Variants in DPP9 observed in about 807,000 individuals in gnomAD.
DPP9 encodes dipeptidyl peptidase 9, also known as dipeptidyl peptidase IV-related protein-2.
A neutral mutation model predicts 110.7 loss-of-function variants in DPP9; 50 were observed. The ratio of observed to expected loss-of-function variants is 0.45; its 90% CI spans 0.36 to 0.57. DPP9 has a LOEUF of 0.57. Among genes scored for constraint, DPP9 ranks in the 20% least tolerant of loss-of-function variants. The pLI, the probability that DPP9 is intolerant of heterozygous loss-of-function variation, is 0.00. For missense variants in DPP9, 1,022 were observed against 1,217.9 expected, an observed-to-expected ratio of 0.84 and a Z score of 2.39; for synonymous variants, 561 against 514.4, an observed-to-expected ratio of 1.09 and a Z score of -1.23.
At chr19:4,679,789 GATCTGTCGGCTC>G (rs1261014342) in intron 21 of DPP9, 34 bp downstream of exon 21, 8 of 1,459,644 alleles carry the variant, frequency 5.5e-6, no homozygotes, top group Non-Finnish European at 7.6e-6. Context: ...CACTCCCAGG[GATCTGTCGGCTC>G]GCGGAGGGGC....
intron 2 of DPP9, among the ~76,000 whole-genome samples, chr19:4,720,514 T>C (rs1378391049): frequency 1.3e-5 from 2 of 152,108 alleles, no homozygotes; most frequent in Non-Finnish European, 2.9e-5. Flanking sequence ...CTGAAGATGC[T>C]ACCTGGCGAC....
At chr19:4,697,524 C>T (rs777637096) in intron 11 of DPP9, 27 bp downstream of exon 11, 2 of 1,599,540 alleles carry the variant, frequency 1.3e-6, no homozygotes, top group Admixed American at 3.4e-5. Flanking sequence ...CAGGTGAATT[C>T]CTTGGGTTCC....
chr19:4,697,641 G>A lies in DPP9; in HGVS notation c.1085C>T (p.Thr362Ile). ...GGGCTGCACCAGCTCCTTCTCCTGG[G>A]TCGAGACGATCTGAAGGGAAACAAA... ...QTDSQGKIVSTQEKELVQPFS... is the reference protein window; with the variant it reads ...QTDSQGKIVSIQEKELVQPFS... The change falls in exon 11 of 22, where the codon ACC becomes ATC. Residue 362 changes from threonine to isoleucine, a missense_variant. Coordinates refer to ENST00000262960, the MANE Select transcript of DPP9 (RefSeq NM_139159.5). 1 of 1,613,844 alleles carries A rather than the reference G, an allele frequency of 6.2e-7. No individual in the cohort carries two copies. Among genetic ancestry groups the A allele is most frequent in the Non-Finnish European group, 8.5e-7 (1 of 1,179,836 alleles).
At chr19:4,681,967 G>A (rs1436131124) in intron 20 of DPP9, among the ~76,000 whole-genome samples, 3 of 149,922 alleles carry the variant, frequency 2.0e-5, no homozygotes, top group African/African-American at 7.4e-5. Context: ...TCCTGCCTCA[G>A]CCTCCCATAT....
At chr19:4,697,757 G>T in intron 10 of DPP9, 106 bp from the exon 11 acceptor site, 1 of 868,768 alleles carries the variant, frequency 1.2e-6, no homozygotes. Context: ...AAATTCATAT[G>T]CTGGAGTCTC....
Position 4,702,040 on chromosome 19 carries a change from C to G in DPP9, c.999G>C (p.Arg333=), listed in dbSNP as rs374355459. Residue 333 remains arginine, a synonymous_variant, in exon 9 of 22, where the codon CGG becomes CGC. Transcript: ENST00000262960. Reference sequence around the variant, plus strand: ...CCGGGCACTCACCTGTCCTGGGGTACCGATACGAGTCCGTCTTCCTTTCTT... The same window carrying G: ...CCGGGCACTCACCTGTCCTGGGGTAGCGATACGAGTCCGTCTTCCTTTCTT... ...ALEERKTDSY[R]YPRTGSKNPK... is the part of the protein sequence containing the mutation. 1 of 1,613,764 alleles carries G rather than the reference C, an allele frequency of 6.2e-7. No individual in the cohort carries two copies. Among genetic ancestry groups the G allele is most frequent in the Non-Finnish European group, 8.5e-7 (1 of 1,179,736 alleles).
chr19:4,690,662 T>C (rs1396936839), intron 14 of DPP9, among the ~76,000 whole-genome samples: 1 of 152,128 alleles, frequency 6.6e-6, no homozygotes, highest in Non-Finnish European at 1.5e-5. Context: ...GGGGAGGTGA[T>C]GAAATGATTG....
At chr19:4,720,147 G>A (rs539970654) in intron 2 of DPP9, among the ~76,000 whole-genome samples, 113 of 152,328 alleles carry the variant, frequency 7.4e-4, no homozygotes, top group Middle Eastern at 3.4e-3. Flanking sequence ...GCCAGAGCCC[G>A]TCATCTTTCT....
At position 4,684,393 on chromosome 19, in the gene DPP9, G is replaced by A. The variant is rs905633897; in HGVS notation, c.2178+270C>T. On this transcript the variant is annotated intron_variant, in intron 18 of 21. Coordinates refer to ENST00000262960, the MANE Select transcript of DPP9 (RefSeq NM_139159.5). This position sits in a 1 kb window ranked among gnomAD's most constrained non-coding sequence, Gnocchi z 4.8. ...TGGGGTTTTGTTCCAGCAGTGCAAA[G>A]GGGCCGAGATGATCGCCATCACCAC... is the stretch of plus-strand genomic sequence containing the variant. The A allele has an allele frequency of 1.1e-4, 56 of 492,840 alleles. No homozygotes were observed. The highest frequency in any genetic ancestry group is 9.9e-4 in the African/African-American group (51 of 51,498). 30.5% of individuals were successfully genotyped at this position (492,840 alleles called of 1,614,324 possible). A position where few individuals can be genotyped will look rare whatever the true frequency, so the allele number is the denominator to read the frequency against.
intron 3 of DPP9, among the ~76,000 whole-genome samples, chr19:4,714,874 C>T (rs1268338260): frequency 6.6e-6 from 1 of 152,100 alleles, no homozygotes; most frequent in African/African-American, 2.4e-5. Context: ...ATCCCTGTGA[C>T]CCAGCCAAAT....
chr19:4,698,964 C>G lies in DPP9; in HGVS notation c.1074+1252G>C, dbSNP rs1309524502. Among the ~76,000 whole-genome samples the G allele has an allele frequency of 6.6e-6, 1 of 151,902 alleles. No homozygotes were observed. The highest frequency in any genetic ancestry group is 2.1e-4 in the South Asian group (1 of 4,816). On this transcript the variant is annotated intron_variant, in intron 10 of 21. Coordinates refer to ENST00000262960, the MANE Select transcript of DPP9 (RefSeq NM_139159.5). The surrounding 1 kb of genome is among the most constrained non-coding windows in gnomAD (Gnocchi z 4.2). ...ACGAGGTCAGGAGATTGAGACCGTC[C>G]TGGCTAACACGGTGAAACCCCGTCT...
chr19:4,702,921 AC>A (rs1003055059), intron 7 of DPP9, among the ~76,000 whole-genome samples: 3 of 141,876 alleles, frequency 2.1e-5, no homozygotes, highest in Non-Finnish European at 4.5e-5. Flanking sequence ...CACACTGTGG[AC>A]ACTGGGGCCC....
Position 4,697,630 on chromosome 19 carries a change from CCTT to C in DPP9, c.1093_1095del (p.Lys365del). The C allele has an allele frequency of 6.2e-7, 1 of 1,613,882 alleles. No individual in the cohort carries two copies. Among genetic ancestry groups the C allele is most frequent in the Non-Finnish European group, 8.5e-7 (1 of 1,179,850 alleles). The stretch of plus-strand genomic sequence containing the variant: ...AGCGAGCTGAAGGGCTGCACCAGCT[CCTT>C]CTCCTGGGTCGAGACGATCTGAAGG... On this transcript the variant is annotated inframe_deletion, in exon 11 of 22. Transcript: ENST00000262960.
chr19:4,683,859 C>T (rs1233131797), intron 18 of DPP9: 1 of 1,515,220 alleles, frequency 6.6e-7, no homozygotes, highest in Non-Finnish European at 8.8e-7. Context: ...CTCTGGGAGC[C>T]ACGTCCCCTC....
intron 19 of DPP9, chr19:4,683,215 C>T (rs540003774): frequency 8.4e-6 from 12 of 1,429,698 alleles, no homozygotes; most frequent in South Asian, 2.9e-5. Context: ...GCCGGGGTCC[C>T]GGGCTCAGCC....
In DPP9 at chr19:4,704,167, G is replaced by C. The variant is rs1283675139; in HGVS notation, c.564C>G (p.Leu188=). 6.2e-7 allele frequency: 1 copy of C among 1,613,914 alleles called. No individual in the cohort carries two copies. ...GLFLFQASNS[L]FHCRDGGKNG... ...TCTTGCCGCCGTCGCGGCAGTGGAA[G>C]AGGCTGTTGCTGGCCTGGAAGAGGA... The change falls in exon 6 of 22, where the codon CTC becomes CTG. Residue 188 remains leucine, a synonymous_variant. Transcript: ENST00000262960. The surrounding 1 kb of genome is among the most constrained non-coding windows in gnomAD (Gnocchi z 6.0).
chr19:4,676,480 C>T lies in DPP9; in HGVS notation c.*84G>A, dbSNP rs1053845663. 84 of 1,244,394 alleles carry T rather than the reference C, an allele frequency of 6.8e-5. No individual in the cohort carries two copies. Among genetic ancestry groups the T allele is most frequent in the Non-Finnish European group, 8.8e-5 (77 of 871,492 alleles). 77.1% of individuals were successfully genotyped at this position (1,244,394 alleles called of 1,614,324 possible). On this transcript the variant is annotated 3_prime_UTR_variant, in exon 22 of 22. Coordinates refer to ENST00000262960, the MANE Select transcript of DPP9 (RefSeq NM_139159.5). The surrounding 1 kb of genome is among the most constrained non-coding windows in gnomAD (Gnocchi z 4.0). ...GGACAAAGTGCCTCACTGGGGCCCG[C>T]GGGCCACTCAGTCCCTCCCGCCTGG...
chr19:4,690,832 ACACACATG>A, intron 14 of DPP9, 38 bp downstream of exon 14: 3 of 1,485,900 alleles, frequency 2.0e-6, no homozygotes, highest in Non-Finnish European at 2.8e-6. Context: ...TGTGTGTAAA[ACACACATG>A]CATGGAGCAG....
Position 4,703,998 on chromosome 19 carries a change from G to T in DPP9, c.657C>A (p.Asp219Glu). 1.2e-6 allele frequency: 2 copies of T among 1,614,034 alleles called. No homozygotes were observed. Among genetic ancestry groups the T allele is most frequent in the Non-Finnish European group, 1.7e-6 (2 of 1,179,892 alleles). ...IKTQCSGPRM[D>E]PKICPADPAF... Reference sequence around the variant, plus strand: ...CAGGGTCGGCAGGGCAGATTTTGGGGTCCATCCGGGGCCCTGAGCACTGGG... The same window carrying T: ...CAGGGTCGGCAGGGCAGATTTTGGGTTCCATCCGGGGCCCTGAGCACTGGG... Residue 219 changes from aspartate (D) to glutamate (E), a missense_variant, in exon 7 of 22, where the codon GAC becomes GAA. Physicochemically the swap from Asp to Glu is conservative, Grantham distance 45 (BLOSUM62 2). This residue lies in a region of DPP9 where 810 missense variants were observed against 920.6 expected (regional missense o/e 0.88). Coordinates refer to ENST00000262960, the MANE Select transcript of DPP9 (RefSeq NM_139159.5).
Sources: gnomAD v4.1 joint callset for allele counts (sites outside exome capture counted in the v4.1 genomes callset) on GRCh38, gnomAD v4.1.1 for gene constraint, gnomAD v4.1.1 regional missense constraint, Gnocchi (gnomAD v3.1) non-coding constraint, MANE v1.5 for transcripts, NCBI Gene and HGNC (gene_info 2026-07-23, HGNC 2026-07-21) for gene names.